The following BMAL2 variants were observed in gnomAD, a reference collection of about 807,000 sequenced individuals.
The protein encoded by BMAL2 is basic helix-loop-helix ARNT like 2, also known as basic helix-loop-helix ARNT-like protein 2.
At chr12:27,373,489 C>T in the BMAL2 span, among the ~76,000 whole-genome samples, 1 of 152,106 alleles carries the variant, frequency 6.6e-6, no homozygotes, top group African/African-American at 2.4e-5. Flanking sequence ...AGTACTTGAA[C>T]TGATGATGTG....
the BMAL2 span, chr12:27,370,005 T>C: frequency 3.5e-4 from 239 of 686,176 alleles, 1 homozygote; most frequent in African/African-American, 3.8e-3. Context: ...TTTCTCCACT[T>C]CACCCAGCTT....
the BMAL2 span, chr12:27,368,189 G>A: frequency 1.3e-6 from 2 of 1,528,268 alleles, no homozygotes; most frequent in Non-Finnish European, 8.9e-7. Flanking sequence ...CATTTAAAAT[G>A]TGTGATATGG....
At chr12:27,417,722 A>G in the BMAL2 span, among the ~76,000 whole-genome samples, 1 of 152,164 alleles carries the variant, frequency 6.6e-6, no homozygotes, top group Non-Finnish European at 1.5e-5. Context: ...GGCCAGGCGC[A>G]GTGGCTCACA....
the BMAL2 span, chr12:27,380,191 G>T: frequency 6.4e-7 from 1 of 1,559,800 alleles, no homozygotes; most frequent in East Asian, 2.2e-5. Flanking sequence ...GCAACACGGG[G>T]GTGACTGGGG....
chr12:27,371,442 A>T, the BMAL2 span, among the ~76,000 whole-genome samples: 4 of 152,214 alleles, frequency 2.6e-5, no homozygotes, highest in Non-Finnish European at 5.9e-5. Flanking sequence ...CCGTGCAGGC[A>T]TACAGGTATG....
chr12:27,406,452 G>T, the BMAL2 span, among the ~76,000 whole-genome samples: 1 of 152,164 alleles, frequency 6.6e-6, no homozygotes, highest in African/African-American at 2.4e-5. Flanking sequence ...CATTGTTAAA[G>T]AAAAGAATTT....
the BMAL2 span, chr12:27,380,358 A>T: frequency 6.2e-7 from 1 of 1,614,198 alleles, no homozygotes; most frequent in South Asian, 1.1e-5. Context: ...AACTGGACAA[A>T]CTTACAGTTT....
At chr12:27,360,068 A>AAAT in the BMAL2 span, among the ~76,000 whole-genome samples, 1 of 151,302 alleles carries the variant, frequency 6.6e-6, no homozygotes, top group South Asian at 2.1e-4. Flanking sequence ...AAAAAAAAAA[A>AAAT]AAAAGTACTA....
At chr12:27,342,852 T>A in the BMAL2 span, among the ~76,000 whole-genome samples, 1 of 152,254 alleles carries the variant, frequency 6.6e-6, no homozygotes, top group Non-Finnish European at 1.5e-5. Context: ...TAGTGGCTTC[T>A]TTAGGACAAT....
At chr12:27,362,711 T>C in the BMAL2 span, among the ~76,000 whole-genome samples, 1 of 152,226 alleles carries the variant, frequency 6.6e-6, no homozygotes, top group Non-Finnish European at 1.5e-5. Flanking sequence ...TTACTTTTTT[T>C]TTAGTTTACT....
the BMAL2 span, chr12:27,402,510 C>T: frequency 1.1e-6 from 1 of 884,082 alleles, no homozygotes; most frequent in South Asian, 1.8e-5. Flanking sequence ...GTATATAAAA[C>T]ATAAATGGGC....
chr12:27,339,898 C>T, the BMAL2 span, among the ~76,000 whole-genome samples: 88 of 152,092 alleles, frequency 5.8e-4, no homozygotes, highest in Admixed American at 5.2e-4. Flanking sequence ...ACATGTATGT[C>T]TTTTGAAAAG....
the BMAL2 span, among the ~76,000 whole-genome samples, chr12:27,348,119 C>T: frequency 1.2e-4 from 18 of 152,280 alleles, no homozygotes; most frequent in Middle Eastern, 3.4e-3. Context: ...TTCAGTTTTC[C>T]CACCTGCTAA....
the BMAL2 span, among the ~76,000 whole-genome samples, chr12:27,355,671 G>A: frequency 6.6e-6 from 1 of 152,158 alleles, no homozygotes; most frequent in Admixed American, 6.5e-5. Flanking sequence ...CAGTTCTCCA[G>A]CTGTTATGTG....
the BMAL2 span, chr12:27,422,816 G>A: frequency 1.3e-5 from 2 of 152,234 alleles, no homozygotes; most frequent in Admixed American, 1.3e-4. Flanking sequence ...TAAGCCAGGG[G>A]TGGCAGGGTA....
the BMAL2 span, among the ~76,000 whole-genome samples, chr12:27,391,183 C>A: frequency 6.6e-6 from 1 of 152,080 alleles, no homozygotes; most frequent in African/African-American, 2.4e-5. Context: ...TCAACCCACA[C>A]GCCCTTCCCT....
chr12:27,359,315 G>A, the BMAL2 span, among the ~76,000 whole-genome samples: 2 of 152,282 alleles, frequency 1.3e-5, no homozygotes, highest in African/African-American at 4.8e-5. Flanking sequence ...TGGAAGTTCT[G>A]ATTTCACATC....
chr12:27,406,057 GAAAC>G, the BMAL2 span, among the ~76,000 whole-genome samples: 6 of 152,186 alleles, frequency 3.9e-5, no homozygotes, highest in East Asian at 1.9e-4. Flanking sequence ...AGAATAAAAA[GAAAC>G]AAACAAAGCC....
At chr12:27,417,639 T>C in the BMAL2 span, among the ~76,000 whole-genome samples, 1 of 152,234 alleles carries the variant, frequency 6.6e-6, no homozygotes, top group African/African-American at 2.4e-5. Flanking sequence ...AAAGCAAGCT[T>C]CCATATTGAT....
Sources: gnomAD v4.1 joint callset for allele counts (sites outside exome capture counted in the v4.1 genomes callset) on GRCh38, gnomAD v4.1.1 for gene constraint, MANE v1.5 for transcripts, NCBI Gene and HGNC (gene_info 2026-07-23, HGNC 2026-07-21) for gene names.